ITSN2: variants seen among roughly 807,000 people sequenced by gnomAD.
ITSN2 encodes intersectin 2.
Under a neutral mutation model 243.7 loss-of-function variants are expected in ITSN2, and 156 were observed. The ratio of observed to expected loss-of-function variants is 0.64; its 90% CI spans 0.56 to 0.73. The LOEUF is 0.73. Among genes scored for constraint, ITSN2 ranks in the 30% least tolerant of loss-of-function variants. The pLI is 0.00. For synonymous variants in ITSN2, 703 were observed against 699.9 expected (o/e 1.00, Z -0.07); for missense variants, 1,801 against 1,996.1 (o/e 0.90, Z 1.86).
At chr2:24,259,072 G>C in intron 22 of ITSN2, among the ~76,000 whole-genome samples, 1 of 152,128 alleles carries the variant, frequency 6.6e-6, no homozygotes, top group East Asian at 1.9e-4. Flanking sequence ...ACTGCCTACT[G>C]GGTGTTTCTA....
chr2:24,301,871 C>A, intron 10 of ITSN2, 94 bp downstream of exon 10: 1 of 1,211,792 alleles, frequency 8.3e-7, no homozygotes, highest in Non-Finnish European at 1.1e-6. Context: ...TTGTTGAATA[C>A]TAAAATCAAT....
At chr2:24,358,745 T>A (rs780813117) in intron 1 of ITSN2, among the ~76,000 whole-genome samples, 1 of 152,206 alleles carries the variant, frequency 6.6e-6, no homozygotes, top group Non-Finnish European at 1.5e-5. Context: ...AAAATACAAA[T>A]TTTTTAACAC....
chr2:24,281,783 A>G (rs192372918), intron 17 of ITSN2, among the ~76,000 whole-genome samples: 22 of 152,270 alleles, frequency 1.4e-4, no homozygotes, highest in African/African-American at 5.1e-4. Context: ...TCTCCTCACT[A>G]CCAGCTATAA....
At chr2:24,227,677 T>C (rs1671177667) in intron 29 of ITSN2, among the ~76,000 whole-genome samples, 1 of 152,100 alleles carries the variant, frequency 6.6e-6, no homozygotes, top group Non-Finnish European at 1.5e-5. Context: ...TCTGAGCACT[T>C]TGGGAGGCCA....
chr2:24,296,255 A>G (rs1428339846), intron 13 of ITSN2, among the ~76,000 whole-genome samples: 2 of 152,208 alleles, frequency 1.3e-5, no homozygotes, highest in Non-Finnish European at 2.9e-5. Flanking sequence ...ACGTTTTGGC[A>G]ACAGTTCTGT....
rs574868414 is a variant in ITSN2 at position 24,332,616 on chromosome 2, T to C, written c.-33-4501A>G. ...GATTAACTGTGGTAACATCTAAATA[T>C]GGGAGTATATTTTGTTGGAACCAAT... On this transcript the variant is annotated intron_variant, in intron 1 of 39. Transcript: ENST00000355123. 2.5e-3 allele frequency among the ~76,000 whole-genome samples: 386 copies of C among 152,294 alleles called. 2 individuals are homozygous for C. The highest frequency in any genetic ancestry group is 4.5e-3 in the Non-Finnish European group (306 of 68,020).
intron 18 of ITSN2, among the ~76,000 whole-genome samples, chr2:24,275,196 T>C (rs1458528965): frequency 6.6e-6 from 1 of 152,232 alleles, no homozygotes; most frequent in East Asian, 1.9e-4. Flanking sequence ...CAACAAATTA[T>C]ACTTGGCTCT....
chr2:24,296,132 T>C (rs1680931776), intron 13 of ITSN2, among the ~76,000 whole-genome samples: 1 of 152,208 alleles, frequency 6.6e-6, no homozygotes, highest in Non-Finnish European at 1.5e-5. Flanking sequence ...CAAAGAATGA[T>C]GAAGAGGAAT....
intron 7 of ITSN2, 102 bp from the exon 8 acceptor site, chr2:24,308,858 T>C (rs1031535925): frequency 1.3e-6 from 1 of 795,196 alleles, no homozygotes; most frequent in South Asian, 1.6e-5. Flanking sequence ...CCAGGGGTCC[T>C]GAACCCCCGG....
chr2:24,302,200 T>G, intron 9 of ITSN2, 98 bp from the exon 10 acceptor site: 1 of 638,292 alleles, frequency 1.6e-6, no homozygotes, highest in Non-Finnish European at 2.3e-6. Context: ...TTTATTTATT[T>G]ATTTATTTAT....
intron 2 of ITSN2, among the ~76,000 whole-genome samples, chr2:24,321,593 T>C (rs1353037478): frequency 6.6e-6 from 1 of 152,192 alleles, no homozygotes; most frequent in African/African-American, 2.4e-5. Flanking sequence ...ACACACTTTC[T>C]AAATAAAGAA....
intron 5 of ITSN2, 82 bp from the exon 6 acceptor site, chr2:24,310,774 G>T: frequency 9.3e-7 from 1 of 1,074,934 alleles, no homozygotes; most frequent in Non-Finnish European, 1.4e-6. Flanking sequence ...ACAGTACAGT[G>T]GGCAGACTCT....
intron 2 of ITSN2, 65 bp from the exon 3 acceptor site, chr2:24,315,289 G>A: frequency 2.2e-6 from 2 of 891,924 alleles, no homozygotes; most frequent in Middle Eastern, 2.2e-4. Flanking sequence ...ATTCTAAAAT[G>A]TAAATAGAAA....
intron 20 of ITSN2, among the ~76,000 whole-genome samples, chr2:24,264,908 T>C (rs1676468403): frequency 1.3e-5 from 2 of 151,360 alleles, no homozygotes; most frequent in African/African-American, 2.4e-5. Flanking sequence ...ATCTCGTCAT[T>C]TGCTACAAAA....
chr2:24,213,972 G>C (rs769202585), intron 32 of ITSN2, among the ~76,000 whole-genome samples: 4 of 152,210 alleles, frequency 2.6e-5, no homozygotes, highest in Non-Finnish European at 5.9e-5. Flanking sequence ...GTTGGTCTCT[G>C]AGTTAAAGTC....
Position 24,220,807 on chromosome 2 carries a change from G to A in ITSN2, c.3699+138C>T, listed in dbSNP as rs545220971. 230 of 1,436,076 alleles carry A rather than the reference G, an allele frequency of 1.6e-4. No individual in the cohort carries two copies. The African/African-American group carries it at 2.9e-3, about 18-fold the overall frequency. 89.0% of individuals were successfully genotyped at this position (1,436,076 alleles called of 1,614,324 possible). A position where few individuals can be genotyped will look rare whatever the true frequency, so the allele number is the denominator to read the frequency against. ...GCATTTGGAGGATGTGAGAGCTTCCGTCACTATTTGTGAATTCACACATCA... is the reference window on the plus strand; with the variant it reads ...GCATTTGGAGGATGTGAGAGCTTCCATCACTATTTGTGAATTCACACATCA... On this transcript the variant is annotated intron_variant, in intron 30 of 39. Coordinates refer to ENST00000355123, the MANE Select transcript of ITSN2 (RefSeq NM_006277.3).
intron 17 of ITSN2, among the ~76,000 whole-genome samples, chr2:24,278,809 G>A (rs1678381348): frequency 6.6e-6 from 1 of 151,804 alleles, no homozygotes; most frequent in Non-Finnish European, 1.5e-5. Context: ...ATGCCACCAC[G>A]CCCGGCTAAT....
chr2:24,257,349 T>G (rs1176819832), intron 23 of ITSN2, among the ~76,000 whole-genome samples: 1 of 152,016 alleles, frequency 6.6e-6, no homozygotes, highest in African/African-American at 2.4e-5. Context: ...ATCTATAATT[T>G]TGAGTAGCTT....
chr2:24,248,714 C>T lies in ITSN2; in HGVS notation c.3203G>A (p.Gly1068Asp), dbSNP rs1414397347. The T allele has an allele frequency of 6.2e-7, 1 of 1,613,176 alleles. No homozygotes were observed. The highest frequency in any genetic ancestry group is 1.3e-5 in the African/African-American group (1 of 74,838). Residue 1068 changes from glycine (G) to aspartate (D), a missense_variant, in exon 27 of 40, where the codon GGT becomes GAT. Physicochemically the swap from Gly to Asp is moderately conservative, Grantham distance 94. Transcript: ENST00000355123. ...AQVTSAYVAS[G>D]SEQLSLAPGQ... ...TGGTGCAAGGCTAAGTTGTTCAGAA[C>T]CAGAAGCAACATATGCTGAAGTTAC...
Sources: gnomAD v4.1 joint callset for allele counts (sites outside exome capture counted in the v4.1 genomes callset) on GRCh38, gnomAD v4.1.1 for gene constraint, MANE v1.5 for transcripts, NCBI Gene and HGNC (gene_info 2026-07-23, HGNC 2026-07-21) for gene names.